Variants in MAN2A1 observed in about 807,000 individuals in gnomAD.
MAN2A1 encodes alpha-mannosidase 2.
Under a neutral mutation model 142.6 loss-of-function variants are expected in MAN2A1, and 76 were observed. The ratio of observed to expected loss-of-function variants is 0.53; its 90% CI spans 0.44 to 0.65. The LOEUF (loss-of-function observed/expected upper bound fraction) is 0.65. MAN2A1 is among the 30% of genes least tolerant of loss of function. The pLI is 0.00. For synonymous variants in MAN2A1, 559 were observed against 473.2 expected, an observed-to-expected ratio of 1.18 and a Z score of -2.35; for missense variants, 1,311 against 1,365.1, an observed-to-expected ratio of 0.96 and a Z score of 0.62.
intron 12 of MAN2A1, among the ~76,000 whole-genome samples, chr5:109,815,602 A>G (rs1479910645): frequency 6.6e-6 from 1 of 152,188 alleles, no homozygotes; most frequent in East Asian, 1.9e-4. Context: ...CTGATGAACA[A>G]TTTATAAGTC....
intron 4 of MAN2A1, among the ~76,000 whole-genome samples, chr5:109,744,779 GA>G (rs746810718): frequency 2.6e-5 from 4 of 151,980 alleles, no homozygotes; most frequent in South Asian, 2.1e-4. Context: ...CAAGAGAAAT[GA>G]AAAAATGTTC....
chr5:109,768,478 G>T (rs1753053943), intron 6 of MAN2A1, among the ~76,000 whole-genome samples: 1 of 152,140 alleles, frequency 6.6e-6, no homozygotes. Flanking sequence ...CATGCATAGA[G>T]AGCAGAGATT....
chr5:109,834,563 A>G (rs895450446), intron 16 of MAN2A1, among the ~76,000 whole-genome samples: 5 of 152,156 alleles, frequency 3.3e-5, no homozygotes, highest in African/African-American at 1.2e-4. Context: ...AAAATGCCAT[A>G]CCTTTCCTAT....
At chr5:109,865,396 A>G in intron 21 of MAN2A1, 1 of 443,514 alleles carries the variant, frequency 2.3e-6, no homozygotes, top group Non-Finnish European at 4.1e-6. Flanking sequence ...GTTATTTCCT[A>G]GGCCTTCTAT....
intron 7 of MAN2A1, among the ~76,000 whole-genome samples, chr5:109,773,734 T>C (rs1362102800): frequency 6.6e-6 from 1 of 152,202 alleles, no homozygotes. Context: ...CATATGAGAT[T>C]TAAATTTAGT....
At chr5:109,708,545 C>T (rs1367019608) in intron 1 of MAN2A1, among the ~76,000 whole-genome samples, 2 of 151,362 alleles carry the variant, frequency 1.3e-5, no homozygotes, top group Non-Finnish European at 3.0e-5. Flanking sequence ...CACACACACA[C>T]ATGAGAAGGG....
intron 4 of MAN2A1, among the ~76,000 whole-genome samples, chr5:109,737,952 A>G (rs1352262499): frequency 6.6e-6 from 1 of 152,164 alleles, no homozygotes; most frequent in Non-Finnish European, 1.5e-5. Flanking sequence ...ACTGTGGCTC[A>G]TAACCCTTGA....
rs563028524 is a variant in MAN2A1, at chr5:109,774,795, A to C, written c.1204A>C (p.Met402Leu). ...TGTTTGTTTTTTTTGTAGGGCTCGGATGCTACTAGATCAGTACCGAAAGAA... is the reference window on the plus strand; with the variant it reads ...TGTTTGTTTTTTTTGTAGGGCTCGGCTGCTACTAGATCAGTACCGAAAGAA... ...HPGNVQSRARMLLDQYRKKSK... is the reference protein window; with the variant it reads ...HPGNVQSRARLLLDQYRKKSK... The change falls in exon 8 of 22, where the codon ATG becomes CTG. Residue 402 changes from methionine to leucine, a missense_variant. Around this residue, in one of 3 missense-constraint regions of MAN2A1, gnomAD observed 890 missense variants for 920.5 expected, o/e 0.97. Coordinates refer to ENST00000261483, the MANE Select transcript of MAN2A1 (RefSeq NM_002372.4). 1.6e-5 allele frequency: 26 copies of C among 1,602,552 alleles called. No individual in the cohort carries two copies.
At position 109,770,479 on chromosome 5, in the gene MAN2A1, C is replaced by G; in HGVS notation, c.1134C>G (p.Gly378=). Residue 378 remains glycine (G), a synonymous_variant, in exon 7 of 22, where the codon GGC becomes GGG. Transcript: ENST00000261483. ...TTGATTTTAAACGTCTTCCTGGAGG[C>G]AGATTTGGTTGTCCCTGGGGAGTCC... The part of the protein sequence containing the change: ...CQFDFKRLPG[G]RFGCPWGVPP... 2 of 1,613,984 alleles carry G rather than the reference C, an allele frequency of 1.2e-6. No individual in the cohort carries two copies. The highest frequency in any genetic ancestry group is 2.7e-5 in the African/African-American group (2 of 75,034).
chr5:109,743,061 C>A (rs1027322022), intron 4 of MAN2A1, among the ~76,000 whole-genome samples: 1 of 152,200 alleles, frequency 6.6e-6, no homozygotes, highest in African/African-American at 2.4e-5. Flanking sequence ...TTTTTTGCAG[C>A]ATTGACATCG....
chr5:109,839,251 T>C (rs1032173725), intron 16 of MAN2A1, among the ~76,000 whole-genome samples: 1 of 152,210 alleles, frequency 6.6e-6, no homozygotes, highest in Non-Finnish European at 1.5e-5. Flanking sequence ...TCCATATACA[T>C]TTCATTTTGG....
At chr5:109,784,667 A>C in intron 9 of MAN2A1, 77 bp from the exon 10 acceptor site, 1 of 1,139,010 alleles carries the variant, frequency 8.8e-7, no homozygotes, top group Non-Finnish European at 1.2e-6. Flanking sequence ...AAATTTGTAA[A>C]GTATCAATGT....
At position 109,816,989 on chromosome 5, in the gene MAN2A1, A is replaced by G. The variant is rs148114855; in HGVS notation, c.1944-284A>G. Among the ~76,000 whole-genome samples, 556 of 152,114 alleles carry G rather than the reference A, an allele frequency of 3.7e-3. 5 individuals carry two copies. The highest frequency in any genetic ancestry group is 0.013 in the African/African-American group (538 of 41,494). ...TCTATGACTGTCCATGAACTGAAGT[A>G]TTATGAAGGGTTTGGAAAAAATTAG... On this transcript the variant is annotated intron_variant, in intron 12 of 21. Transcript: ENST00000261483.
At chr5:109,760,862 C>A (rs1355764630) in intron 5 of MAN2A1, among the ~76,000 whole-genome samples, 1 of 151,636 alleles carries the variant, frequency 6.6e-6, no homozygotes, top group African/African-American at 2.4e-5. Flanking sequence ...TGATTCTTTT[C>A]TCTTTTATTC....
chr5:109,851,507 GCTCTCTTGCA>G (rs1457524814), intron 19 of MAN2A1, among the ~76,000 whole-genome samples: 2 of 152,106 alleles, frequency 1.3e-5, no homozygotes, highest in Admixed American at 1.3e-4. Flanking sequence ...ATAAAAATGA[GCTCTCTTGCA>G]CTCTCTTGCC....
intron 4 of MAN2A1, among the ~76,000 whole-genome samples, chr5:109,735,811 G>A (rs904874940): frequency 4.0e-5 from 6 of 149,306 alleles, no homozygotes; most frequent in Non-Finnish European, 8.9e-5. Flanking sequence ...TTTGGATTTT[G>A]ATGAAAATTG....
At chr5:109,755,521 G>C in intron 5 of MAN2A1, 65 bp downstream of exon 5, 1 of 1,282,760 alleles carries the variant, frequency 7.8e-7, no homozygotes, top group African/African-American at 1.5e-5. Context: ...TGTGAAGTGA[G>C]GCTCTGTTCT....
At position 109,716,231 on chromosome 5, in the gene MAN2A1, G is replaced by C. The variant is rs764857745; in HGVS notation, c.502G>C (p.Val168Leu). 1 of 1,607,468 alleles carries C rather than the reference G, an allele frequency of 6.2e-7. No homozygotes were observed. Among genetic ancestry groups the C allele is most frequent in the Middle Eastern group, 1.7e-4 (1 of 6,038 alleles). ...TGAATGGGACACTGAACCCCTTCAA[G>C]TCTTTGTGGTGCCTCATTCCCATAA... ...SNEWDTEPLQ[V>L]FVVPHSHNDP... The change falls in exon 3 of 22, where the codon GTC (valine) becomes CTC (leucine). Residue 168 changes from valine to leucine, a missense_variant. By Grantham distance (32) the Val-to-Leu change is conservative. Coordinates refer to ENST00000261483, the MANE Select transcript of MAN2A1 (RefSeq NM_002372.4).
intron 4 of MAN2A1, among the ~76,000 whole-genome samples, chr5:109,733,270 G>A (rs1394930186): frequency 2.5e-4 from 38 of 152,234 alleles, no homozygotes; most frequent in East Asian, 9.7e-4. Context: ...GGATTGAGAC[G>A]ATGGGGTTTT....
Sources: allele counts gnomAD v4.1 joint callset (sites outside exome capture counted in the v4.1 genomes callset), GRCh38; gene constraint gnomAD v4.1.1; regional missense constraint gnomAD v4.1.1; transcripts MANE v1.5; gene names NCBI Gene and HGNC (gene_info 2026-07-23, HGNC 2026-07-21).